The following LSAMP variants were observed in gnomAD, a reference collection of about 807,000 sequenced individuals.
LSAMP encodes the protein limbic system associated membrane protein.
Under a neutral mutation model 38.6 loss-of-function variants are expected in LSAMP, and 7 were observed. That is an observed-to-expected ratio of 0.18 (90% CI 0.10 to 0.34). The LOEUF (loss-of-function observed/expected upper bound fraction) is 0.34. LSAMP is among the 10% of genes least tolerant of loss of function. LSAMP has a pLI of 1.00. For synonymous variants in LSAMP, 154 were observed against 166.8 expected (o/e 0.92, Z 0.59); for missense variants, 313 against 420.0 (o/e 0.75, Z 2.23).
intron 6 of LSAMP, among the ~76,000 whole-genome samples, chr3:115,830,939 G>A (rs907834997): frequency 1.3e-5 from 2 of 152,170 alleles, no homozygotes; most frequent in African/African-American, 4.8e-5. Context: ...TCCCCCTTAG[G>A]GAGAAAACAT....
At chr3:116,049,077 G>C (rs565389394) in intron 2 of LSAMP, among the ~76,000 whole-genome samples, 39 of 152,212 alleles carry the variant, frequency 2.6e-4, no homozygotes, top group African/African-American at 8.9e-4. Flanking sequence ...ATGATTAGGA[G>C]ACAGTAAATA....
intron 3 of LSAMP, among the ~76,000 whole-genome samples, chr3:116,008,950 C>T (rs144099597): frequency 1.3e-5 from 2 of 152,254 alleles, no homozygotes; most frequent in African/African-American, 4.8e-5. Context: ...GTCTCTTCTA[C>T]CACTTCTTCC....
At chr3:116,413,651 T>C (rs1019346732) in intron 1 of LSAMP, among the ~76,000 whole-genome samples, 15 of 152,068 alleles carry the variant, frequency 9.9e-5, no homozygotes, top group African/African-American at 3.4e-4. Context: ...CACTGGTTCC[T>C]ATGCACATGC....
intron 3 of LSAMP, among the ~76,000 whole-genome samples, chr3:115,856,302 G>A (rs1433932156): frequency 6.6e-6 from 1 of 152,160 alleles, no homozygotes; most frequent in Non-Finnish European, 1.5e-5. Context: ...GAGCCTTCAT[G>A]AATGAGATTA....
At chr3:115,861,682 G>C (rs1052596858) in intron 3 of LSAMP, among the ~76,000 whole-genome samples, 9 of 152,162 alleles carry the variant, frequency 5.9e-5, no homozygotes, top group Non-Finnish European at 1.2e-4. Flanking sequence ...GGAATCACTT[G>C]GCGAATTAGG....
chr3:115,815,838 C>T (rs1009816899), intron 6 of LSAMP, among the ~76,000 whole-genome samples: 11 of 152,308 alleles, frequency 7.2e-5, no homozygotes, highest in Non-Finnish European at 2.9e-5. Flanking sequence ...GCTGCCTCTT[C>T]CCTGTTGCCT....
intron 1 of LSAMP, among the ~76,000 whole-genome samples, chr3:116,172,291 A>C (rs1165501143): frequency 4.0e-5 from 6 of 151,874 alleles, no homozygotes; most frequent in Admixed American, 3.3e-4. Flanking sequence ...AAAGGGTTAA[A>C]ATTTTACCAG....
intron 1 of LSAMP, among the ~76,000 whole-genome samples, chr3:116,317,255 T>G (rs1158977697): frequency 1.3e-5 from 2 of 152,154 alleles, no homozygotes; most frequent in Non-Finnish European, 2.9e-5. Flanking sequence ...TAACACTCAC[T>G]GTGAAGGTCT....
intron 3 of LSAMP, among the ~76,000 whole-genome samples, chr3:115,921,590 T>C (rs1387316460): frequency 6.6e-6 from 1 of 152,108 alleles, no homozygotes; most frequent in Non-Finnish European, 1.5e-5. Flanking sequence ...TGTACTGCCA[T>C]TGCAGTATTA....
intron 1 of LSAMP, among the ~76,000 whole-genome samples, chr3:116,245,784 C>G (rs1559797476): frequency 6.6e-6 from 1 of 151,964 alleles, no homozygotes; most frequent in African/African-American, 2.4e-5. Flanking sequence ...CTGAGGCACA[C>G]AAGTTTTGAT....
chr3:116,345,845 G>A (rs1470190013), intron 1 of LSAMP, among the ~76,000 whole-genome samples: 1 of 152,002 alleles, frequency 6.6e-6, no homozygotes, highest in East Asian at 1.9e-4. Flanking sequence ...AACAAAACAA[G>A]ACAAAACCAA....
At chr3:116,161,342 A>AGT (rs373887188) in intron 1 of LSAMP, among the ~76,000 whole-genome samples, 1 of 152,254 alleles carries the variant, frequency 6.6e-6, no homozygotes, top group African/African-American at 2.4e-5. Flanking sequence ...GAATTATCAG[A>AGT]GTAAACATGT....
At chr3:115,863,212 G>A (rs1489179887) in intron 3 of LSAMP, among the ~76,000 whole-genome samples, 1 of 152,150 alleles carries the variant, frequency 6.6e-6, no homozygotes, top group African/African-American at 2.4e-5. Context: ...TAAAAACAAA[G>A]GGAGAAGAAA....
At chr3:116,016,493 G>T (rs1940486979) in intron 3 of LSAMP, among the ~76,000 whole-genome samples, 1 of 152,154 alleles carries the variant, frequency 6.6e-6, no homozygotes, top group South Asian at 2.1e-4. Flanking sequence ...GGAGCTTGGT[G>T]GGGGATATCC....
intron 1 of LSAMP, among the ~76,000 whole-genome samples, chr3:116,160,639 A>G (rs762905656): frequency 4.6e-5 from 7 of 152,188 alleles, no homozygotes; most frequent in Non-Finnish European, 1.0e-4. Context: ...CGTATTACAA[A>G]CCTGCACATA....
intron 1 of LSAMP, among the ~76,000 whole-genome samples, chr3:116,391,512 G>C (rs1350172912): frequency 6.6e-6 from 1 of 152,176 alleles, no homozygotes; most frequent in Non-Finnish European, 1.5e-5. Context: ...ACCACCCTGG[G>C]GGCCACCACA....
chr3:116,432,302 A>T (rs2049292222), intron 1 of LSAMP, among the ~76,000 whole-genome samples: 1 of 151,860 alleles, frequency 6.6e-6, no homozygotes, highest in Non-Finnish European at 1.5e-5. Context: ...AATCACATTT[A>T]TGCTTTTACT....
chr3:115,887,490 G>C (rs1250005082), intron 3 of LSAMP, among the ~76,000 whole-genome samples: 1 of 151,874 alleles, frequency 6.6e-6, no homozygotes, highest in East Asian at 1.9e-4. Context: ...TAATTTATTT[G>C]ACTCAAATGT....
intron 1 of LSAMP, among the ~76,000 whole-genome samples, chr3:116,224,965 T>C (rs1256724140): frequency 2.0e-5 from 3 of 152,206 alleles, no homozygotes; most frequent in Non-Finnish European, 2.9e-5. Flanking sequence ...GATTTATTGA[T>C]CAGAGACAGA....
Sources: gnomAD v4.1 joint callset for allele counts (sites outside exome capture counted in the v4.1 genomes callset) on GRCh38, gnomAD v4.1.1 for gene constraint, MANE v1.5 for transcripts, NCBI Gene and HGNC (gene_info 2026-07-23, HGNC 2026-07-21) for gene names.